The following FBXO15 variants were observed in gnomAD, a reference collection of about 807,000 sequenced individuals.
FBXO15 encodes the protein F-box protein 15, also known as F-box only protein 15.
Under a neutral mutation model 49.5 loss-of-function variants are expected in FBXO15, and 30 were observed. That is an observed-to-expected ratio of 0.61 (90% CI 0.45 to 0.82). The LOEUF is 0.82. FBXO15 is among the 40% of genes least tolerant of loss of function. The pLI is 0.00. For missense variants in FBXO15, 591 were observed against 631.5 expected, an observed-to-expected ratio of 0.94 and a Z score of 0.69; for synonymous variants, 250 against 232.7, an observed-to-expected ratio of 1.07 and a Z score of -0.68.
In FBXO15 at chr18:74,147,737, G is replaced by A. The variant is rs1371073005; in HGVS notation, c.49C>T (p.Gln17Ter). The change falls in exon 1 of 10, where the codon CAG (glutamine) becomes TAG (stop). Residue 17 changes from glutamine (Q) to a stop codon, truncating the protein, a stop_gained. Transcript: ENST00000419743. LOFTEE classifies it high-confidence loss of function. The stretch of plus-strand genomic sequence containing the variant: ...CCCCTGCTGGGCCCGCGCAGCGTCT[G>A]GAGGCCGAGCCAGTGCTGCTGCAAG... ...RILQQHWLGL[Q>*]TLRGPSRGGG... The A allele has an allele frequency of 5.9e-6, 9 of 1,537,088 alleles. No homozygotes were observed. The highest frequency in any genetic ancestry group is 7.9e-6 in the Non-Finnish European group (9 of 1,143,544).
At chr18:74,085,404 G>A (rs1912694688) in intron 8 of FBXO15, among the ~76,000 whole-genome samples, 1 of 152,138 alleles carries the variant, frequency 6.6e-6, no homozygotes, top group African/African-American at 2.4e-5. Flanking sequence ...GACCAGCCTG[G>A]CCAACATGGT....
intron 1 of FBXO15, among the ~76,000 whole-genome samples, chr18:74,141,291 G>A (rs1268609435): frequency 6.6e-6 from 1 of 152,154 alleles, no homozygotes; most frequent in African/African-American, 2.4e-5. Flanking sequence ...CTAGGCAGCA[G>A]CACACCCGGA....
chr18:74,147,487 A>T, intron 1 of FBXO15, 183 bp downstream of exon 1: 1 of 1,229,094 alleles, frequency 8.1e-7, no homozygotes, highest in Non-Finnish European at 1.0e-6. Flanking sequence ...GTCATAACTT[A>T]GGGTACCCCA....
chr18:74,145,451 A>G (rs62097052), intron 1 of FBXO15, among the ~76,000 whole-genome samples: 13,213 of 152,234 alleles, frequency 0.087, 809 homozygotes, highest in Admixed American at 0.2. Flanking sequence ...AGAAGCAAAG[A>G]CAGTCTCTGA....
intron 2 of FBXO15, among the ~76,000 whole-genome samples, chr18:74,139,325 A>AC (rs1978919808): frequency 1.3e-5 from 2 of 152,356 alleles, no homozygotes; most frequent in African/African-American, 4.8e-5. Flanking sequence ...AGTATCTGCT[A>AC]CAGAGTAGGT....
chr18:74,087,127 C>A (rs1196514150), intron 8 of FBXO15, among the ~76,000 whole-genome samples: 1 of 152,178 alleles, frequency 6.6e-6, no homozygotes, highest in African/African-American at 2.4e-5. Flanking sequence ...ATGCTAATGA[C>A]CATCTGAGCC....
chr18:74,080,431 G>C (rs9950198), intron 9 of FBXO15, among the ~76,000 whole-genome samples: 196 of 152,334 alleles, frequency 1.3e-3, no homozygotes, highest in African/African-American at 4.5e-3. Context: ...CTGAGAGAAG[G>C]AATTTATGGG....
At chr18:74,108,293 A>T (rs553642030) in intron 8 of FBXO15, among the ~76,000 whole-genome samples, 29 of 152,272 alleles carry the variant, frequency 1.9e-4, no homozygotes, top group East Asian at 9.6e-4. Flanking sequence ...GATAAAAAAA[A>T]TTTTTTAAAA....
chr18:74,095,636 G>A lies in FBXO15; in HGVS notation c.1139-13585C>T, dbSNP rs545442515. Among the ~76,000 whole-genome samples, 14 of 152,102 alleles carry A rather than the reference G, an allele frequency of 9.2e-5. 1 individual carries two copies. Among genetic ancestry groups the A allele is most frequent in the East Asian group, 1.9e-4 (1 of 5,182 alleles). On this transcript the variant is annotated intron_variant, in intron 8 of 9. Coordinates refer to ENST00000419743, the MANE Select transcript of FBXO15 (RefSeq NM_001142958.2). ...CAAAGATCTCTGATCACAAATCACC[G>A]GAACAGATATAATAATAATAATGAA...
chr18:74,124,137 G>T (rs1914598776), intron 7 of FBXO15, among the ~76,000 whole-genome samples: 1 of 152,070 alleles, frequency 6.6e-6, no homozygotes, highest in South Asian at 2.1e-4. Flanking sequence ...TCATCCGCAG[G>T]CCAGGTTCAG....
Position 74,125,990 on chromosome 18 carries a change from CAG to C in FBXO15, c.895_896del (p.Leu299GlyfsTer36), listed in dbSNP as rs1568175474. 1 of 1,613,994 alleles carries C rather than the reference CAG, an allele frequency of 6.2e-7. No individual in the cohort carries two copies. The highest frequency in any genetic ancestry group is 1.1e-5 in the South Asian group (1 of 91,078). ...CAAGTCTTACCTTCCACACTCCCAC[CAG>C]GAGGCCAGGGTGCAGGCAGAAGATC... ...IRIFCLHPGL[L>X]VGVWKKEEEL... On this transcript the variant is annotated frameshift_variant, in exon 6 of 10. Coordinates refer to ENST00000419743, the MANE Select transcript of FBXO15 (RefSeq NM_001142958.2). LOFTEE classifies it high-confidence loss of function.
At chr18:74,136,283 G>A (rs1978717266) in intron 2 of FBXO15, among the ~76,000 whole-genome samples, 1 of 152,164 alleles carries the variant, frequency 6.6e-6, no homozygotes, top group African/African-American at 2.4e-5. Flanking sequence ...CTAGGCTCCA[G>A]CCATTCTCCC....
intron 8 of FBXO15, among the ~76,000 whole-genome samples, chr18:74,112,382 T>C (rs973701872): frequency 7.2e-5 from 11 of 152,144 alleles, no homozygotes; most frequent in African/African-American, 2.4e-4. Context: ...TGGTTCAACA[T>C]TGAAAATCAA....
intron 8 of FBXO15, among the ~76,000 whole-genome samples, chr18:74,112,770 T>C (rs2145168867): frequency 6.6e-6 from 1 of 152,300 alleles, no homozygotes; most frequent in Non-Finnish European, 1.5e-5. Context: ...CAAAAGAATC[T>C]AAAAGAATGG....
At chr18:74,124,693 A>T in intron 6 of FBXO15, 122 bp from the exon 7 acceptor site, 1 of 780,244 alleles carries the variant, frequency 1.3e-6, no homozygotes, top group South Asian at 1.5e-5. Flanking sequence ...CAAACATAAG[A>T]TCACCACAGT....
intron 8 of FBXO15, among the ~76,000 whole-genome samples, chr18:74,091,576 G>T (rs1035543424): frequency 2.0e-5 from 3 of 152,182 alleles, no homozygotes; most frequent in African/African-American, 7.2e-5. Flanking sequence ...TGTAAGGCAG[G>T]TCTGATGGTA....
intron 8 of FBXO15, among the ~76,000 whole-genome samples, chr18:74,105,408 C>T (rs1599154820): frequency 6.6e-6 from 1 of 152,018 alleles, no homozygotes; most frequent in African/African-American, 2.4e-5. Flanking sequence ...AAAATATGTA[C>T]ATCTATTAGG....
rs1027116393 is a variant in FBXO15 at position 74,111,750 on chromosome 18, G to T, written c.1138+11618C>A. On this transcript the variant is annotated intron_variant, in intron 8 of 9. Coordinates refer to ENST00000419743, the MANE Select transcript of FBXO15 (RefSeq NM_001142958.2). The stretch of plus-strand genomic sequence containing the variant: ...TGCAGAAAAATCCATGAAACCAAAA[G>T]CTGGTTTTTTTGGAAATAACAATAA... Among the ~76,000 whole-genome samples, 9 of 152,148 alleles carry T rather than the reference G, an allele frequency of 5.9e-5. No homozygotes were observed. The South Asian group carries it at 1.5e-3, about 25-fold the overall frequency.
Position 74,075,883 on chromosome 18 carries a change from C to T in FBXO15, c.1264-2153G>A, listed in dbSNP as rs1420798769. Among the ~76,000 whole-genome samples, 1 of 152,206 alleles carries T rather than the reference C, an allele frequency of 6.6e-6. No individual in the cohort carries two copies. The highest frequency in any genetic ancestry group is 1.5e-5 in the Non-Finnish European group (1 of 68,036). ...AATGGAACTCATCTACATTCACATCCTAAGTTATCACCAACATGCCTGTGA... is the reference window on the plus strand; with the variant it reads ...AATGGAACTCATCTACATTCACATCTTAAGTTATCACCAACATGCCTGTGA... On this transcript the variant is annotated intron_variant, in intron 9 of 9. Transcript: ENST00000419743. The surrounding 1 kb of genome is among the most constrained non-coding windows in gnomAD (Gnocchi z 4.1).
Sources: gnomAD v4.1 joint callset for allele counts (sites outside exome capture counted in the v4.1 genomes callset) on GRCh38, gnomAD v4.1.1 for gene constraint, Gnocchi (gnomAD v3.1) non-coding constraint, MANE v1.5 for transcripts, NCBI Gene and HGNC (gene_info 2026-07-23, HGNC 2026-07-21) for gene names.